Variants in ZC3H3 observed in about 807,000 individuals in gnomAD.
The protein encoded by ZC3H3 is zinc finger CCCH-type containing 3, also known as zinc finger CCCH domain-containing protein 3.
In ZC3H3, 36 loss-of-function variants were observed where a neutral mutation model predicts 77.3. That is an observed-to-expected ratio of 0.47 (90% CI 0.36 to 0.61). The LOEUF (loss-of-function observed/expected upper bound fraction) is 0.61. Ranked by LOEUF, ZC3H3 falls within the 20% of genes least tolerant of loss-of-function variation. The pLI is 0.00. For missense variants in ZC3H3, 1,331 were observed against 1,312.2 expected (o/e 1.01, Z -0.22); for synonymous variants, 626 against 555.2 (o/e 1.13, Z -1.79).
rs1820394064 is a variant in ZC3H3, at chr8:143,465,838, C to T, written c.2186G>A (p.Cys729Tyr). The T allele has an allele frequency of 6.2e-7, 1 of 1,611,710 alleles. No individual in the cohort carries two copies. The change falls in exon 9 of 12, where the codon TGC becomes TAC. Residue 729 changes from cysteine to tyrosine, a missense_variant. Coordinates refer to ENST00000262577, the MANE Select transcript of ZC3H3 (RefSeq NM_015117.3). Reference protein sequence around the residue: ...HHVSKEKMPVCSYFLKGICSN... With the variant: ...HHVSKEKMPVYSYFLKGICSN... ...GCAGATGCCCTTCAGGAAGTAGGAGCACACCGGCATCTGCAGGGAGGGCCG... is the reference window on the plus strand; with the variant it reads ...GCAGATGCCCTTCAGGAAGTAGGAGTACACCGGCATCTGCAGGGAGGGCCG...
At chr8:143,499,635 TC>T (rs1028496849) in intron 4 of ZC3H3, among the ~76,000 whole-genome samples, 2 of 151,832 alleles carry the variant, frequency 1.3e-5, no homozygotes, top group African/African-American at 4.9e-5. Context: ...TTGAATGCCC[TC>T]TCCAGCATTC....
At chr8:143,486,796 A>C (rs867999618) in intron 4 of ZC3H3, among the ~76,000 whole-genome samples, 7 of 147,950 alleles carry the variant, frequency 4.7e-5, no homozygotes, top group East Asian at 2.0e-4. Flanking sequence ...AGCACCCGCT[A>C]CACGACCCCA....
At chr8:143,519,690 C>T (rs1388409181) in intron 3 of ZC3H3, among the ~76,000 whole-genome samples, 1 of 152,182 alleles carries the variant, frequency 6.6e-6, no homozygotes, top group African/African-American at 2.4e-5. Flanking sequence ...ACGGGGCAAG[C>T]GGCCCGCCTC....
intron 3 of ZC3H3, 41 bp from the exon 4 acceptor site, chr8:143,507,940 G>A (rs747412826): frequency 6.5e-7 from 1 of 1,528,236 alleles, no homozygotes; most frequent in Non-Finnish European, 8.8e-7. Context: ...GTCAGGGAAG[G>A]CCGGCAAGGG....
At chr8:143,510,908 C>T (rs977269503) in intron 3 of ZC3H3, among the ~76,000 whole-genome samples, 1 of 152,230 alleles carries the variant, frequency 6.6e-6, no homozygotes, top group Admixed American at 6.5e-5. Flanking sequence ...CCGGCGATGC[C>T]CCGGCCCGCG....
At position 143,502,681 on chromosome 8, in the gene ZC3H3, T is replaced by G. The variant is rs560035821; in HGVS notation, c.1715+5065A>C. On this transcript the variant is annotated intron_variant, in intron 4 of 11. Coordinates refer to ENST00000262577, the MANE Select transcript of ZC3H3 (RefSeq NM_015117.3). Reference sequence around the variant, plus strand: ...AAAGAGAAAAAAAGTGACAAGCAGTTAGGGATATAAGTCACATTTCAGCTT... The same window carrying G: ...AAAGAGAAAAAAAGTGACAAGCAGTGAGGGATATAAGTCACATTTCAGCTT... Among the ~76,000 whole-genome samples the G allele has an allele frequency of 1.7e-3, 255 of 152,348 alleles. 11 individuals are homozygous for G. The South Asian group carries it at 0.051, about 31-fold the overall frequency.
rs780402032 is a variant in ZC3H3 at position 143,440,141 on chromosome 8, C to A, written c.2715G>T (p.Arg905Ser). Residue 905 changes from arginine to serine, a missense_variant, in exon 11 of 12, where the codon AGG becomes AGT. Arg to Ser is a moderately radical substitution (Grantham distance 110). Coordinates refer to ENST00000262577, the MANE Select transcript of ZC3H3 (RefSeq NM_015117.3). ...AGATGAAGGAAGGCAGCTTGCAGAG[C>A]CTGTTGGAGCACGCTGCTGCTAAGG... ...EAALAAACSN[R>S]LCKLPSFISL... 1.9e-6 allele frequency: 3 copies of A among 1,611,772 alleles called. No individual in the cohort carries two copies. Among genetic ancestry groups the A allele is most frequent in the Middle Eastern group, 1.7e-4 (1 of 5,788 alleles).
chr8:143,523,894 C>T (rs752582378), intron 3 of ZC3H3, among the ~76,000 whole-genome samples: 6 of 152,198 alleles, frequency 3.9e-5, no homozygotes, highest in Non-Finnish European at 8.8e-5. Flanking sequence ...GGGCTGGGGG[C>T]GGGTGAAGGA....
chr8:143,502,922 C>T (rs1212953073), intron 4 of ZC3H3, among the ~76,000 whole-genome samples: 1 of 152,238 alleles, frequency 6.6e-6, no homozygotes, highest in African/African-American at 2.4e-5. Flanking sequence ...CGGGGGAGGG[C>T]TGGCCAAGGC....
In ZC3H3 at chr8:143,480,075, G is replaced by A. The variant is rs118076041; in HGVS notation, c.1716-4490C>T. Among the ~76,000 whole-genome samples the A allele has an allele frequency of 9.5e-3, 1,448 of 152,280 alleles. 14 individuals carry two copies. The highest frequency in any genetic ancestry group is 0.015 in the Non-Finnish European group (1,045 of 68,016). On this transcript the variant is annotated intron_variant, in intron 4 of 11. Coordinates refer to ENST00000262577, the MANE Select transcript of ZC3H3 (RefSeq NM_015117.3). ...GGACCTGCTGAGTGCTGCCAGCCTC[G>A]CTAGGCACAGGTAGCAACAGTGGGG...
chr8:143,475,933 C>A (rs1422270219), intron 4 of ZC3H3, among the ~76,000 whole-genome samples: 2 of 152,204 alleles, frequency 1.3e-5, no homozygotes, highest in Admixed American at 1.3e-4. Context: ...CAGTGCACAC[C>A]TCCCCGTGGA....
At chr8:143,486,299 G>A (rs141846897) in intron 4 of ZC3H3, among the ~76,000 whole-genome samples, 1 of 152,372 alleles carries the variant, frequency 6.6e-6, no homozygotes, top group African/African-American at 2.4e-5. Flanking sequence ...GGAATGCTCT[G>A]CAGTGGGCGG....
intron 4 of ZC3H3, among the ~76,000 whole-genome samples, chr8:143,506,753 C>T (rs930762297): frequency 6.6e-6 from 1 of 152,172 alleles, no homozygotes; most frequent in Non-Finnish European, 1.5e-5. Context: ...CTGGTGGGCT[C>T]GCCAGCTGGC....
At position 143,541,400 on chromosome 8, in the gene ZC3H3, G is replaced by C; in HGVS notation, c.22C>G (p.Arg8Gly). ...CCCTGCAGTAGGCGGATCTGCCGCC[G>C]TAATATCTCCTTTTCCTCCATCTCC... MEEKEIL[R>G]RQIRLLQGLI... The change falls in exon 1 of 12, where the codon CGG (arginine) becomes GGG (glycine). Residue 8 changes from arginine to glycine, a missense_variant. By Grantham distance (125) the Arg-to-Gly change is moderately radical. This residue lies in a region of ZC3H3 where 978 missense variants were observed against 915.5 expected (regional missense o/e 1.07). Transcript: ENST00000262577. The C allele has an allele frequency of 6.2e-7, 1 of 1,611,954 alleles. No homozygotes were observed. Among genetic ancestry groups the C allele is most frequent in the Non-Finnish European group, 8.5e-7 (1 of 1,179,456 alleles).
chr8:143,484,580 T>G lies in ZC3H3; in HGVS notation c.1716-8995A>C, dbSNP rs1820998766. ...ATGTCAGCTGCAAAAAAACAAGTATTAGTGGGACTTCATGGCCCCGGAGTG... is the reference window on the plus strand; with the variant it reads ...ATGTCAGCTGCAAAAAAACAAGTATGAGTGGGACTTCATGGCCCCGGAGTG... On this transcript the variant is annotated intron_variant, in intron 4 of 11. Coordinates refer to ENST00000262577, the MANE Select transcript of ZC3H3 (RefSeq NM_015117.3). 1.9e-5 allele frequency: 3 copies of G among 156,692 alleles called. No individual in the cohort carries two copies. In the South Asian group the frequency reaches 5.2e-4, roughly 27 times the overall value. 9.7% of individuals were successfully genotyped at this position (156,692 alleles called of 1,614,324 possible).
intron 5 of ZC3H3, among the ~76,000 whole-genome samples, chr8:143,473,312 T>C (rs403939): frequency 0.75 from 114,554 of 152,052 alleles, 43,772 homozygotes; most frequent in African/African-American, 0.89. Context: ...GCTGCTTCTG[T>C]CCCTTCTGGG....
In ZC3H3 at chr8:143,463,145, G is replaced by A. The variant is rs1378974156; in HGVS notation, c.2307+2572C>T. 1.1e-4 allele frequency among the ~76,000 whole-genome samples: 16 copies of A among 152,260 alleles called. No individual in the cohort carries two copies. The East Asian group carries it at 1.7e-3, about 17-fold the overall frequency. ...ATTACAGGCATTTGCCGCCACAACC[G>A]GCTAACTTTTCGTATTTTTAGTAGA... is the stretch of plus-strand genomic sequence containing the variant. On this transcript the variant is annotated intron_variant, in intron 9 of 11. Coordinates refer to ENST00000262577, the MANE Select transcript of ZC3H3 (RefSeq NM_015117.3).
chr8:143,506,937 C>T (rs1432576712), intron 4 of ZC3H3, among the ~76,000 whole-genome samples: 1 of 152,262 alleles, frequency 6.6e-6, no homozygotes, highest in Non-Finnish European at 1.5e-5. Context: ...AGGCCCTGCC[C>T]ACCATCTCTG....
At chr8:143,518,219 G>C (rs1822123265) in intron 3 of ZC3H3, among the ~76,000 whole-genome samples, 1 of 152,030 alleles carries the variant, frequency 6.6e-6, no homozygotes, top group South Asian at 2.1e-4. Flanking sequence ...GTCCAGGCTG[G>C]AAACGGCCTC....
Sources: gnomAD v4.1 joint callset for allele counts (sites outside exome capture counted in the v4.1 genomes callset) on GRCh38, gnomAD v4.1.1 for gene constraint, gnomAD v4.1.1 regional missense constraint, MANE v1.5 for transcripts, NCBI Gene and HGNC (gene_info 2026-07-23, HGNC 2026-07-21) for gene names.